The following ZNF469 variants were observed in gnomAD, a reference collection of about 807,000 sequenced individuals.
ZNF469 encodes zinc finger protein 469.
Under a neutral mutation model 1.0 loss-of-function variants are expected in ZNF469, and 1 was observed. The ratio of observed to expected loss-of-function variants is 1.00; its 90% confidence interval spans 0.35 to 4.73. ZNF469 has a LOEUF of 4.73. ZNF469 is among the 30% of genes most tolerant of loss of function. The probability of loss-of-function intolerance (pLI) is 0.16; values close to 1 mark genes in which losing one functional copy is unlikely to be tolerated. For missense variants in ZNF469, 6,100 were observed against 5,356.3 expected, an observed-to-expected ratio of 1.14 and a Z score of -4.33; for synonymous variants, 2,703 against 2,363.4, an observed-to-expected ratio of 1.14 and a Z score of -4.17.
the ZNF469 span, among the ~76,000 whole-genome samples, chr16:88,266,119 G>A: frequency 3.9e-5 from 6 of 152,352 alleles, no homozygotes; most frequent in Admixed American, 3.3e-4. Flanking sequence ...CGACAGACAC[G>A]GGGTTGGCCA....
the ZNF469 span, among the ~76,000 whole-genome samples, chr16:88,128,385 T>C: frequency 1.3e-5 from 2 of 152,186 alleles, no homozygotes; most frequent in African/African-American, 2.4e-5. Context: ...TTTTTTAAAA[T>C]ATGAAAATGA....
the ZNF469 span, chr16:88,193,516 C>G: frequency 6.6e-6 from 1 of 152,150 alleles, no homozygotes; most frequent in African/African-American, 2.4e-5. Flanking sequence ...CTGGGCACTA[C>G]ACAGGAGGAT....
the ZNF469 span, among the ~76,000 whole-genome samples, chr16:88,290,726 G>A: frequency 6.6e-6 from 1 of 152,182 alleles, no homozygotes. Context: ...GCCCAATTTT[G>A]TGGTCACCAC....
At chr16:88,183,210 C>T in the ZNF469 span, among the ~76,000 whole-genome samples, 2 of 152,178 alleles carry the variant, frequency 1.3e-5, no homozygotes, top group African/African-American at 4.8e-5. Context: ...GAGTCGCGGG[C>T]GTTGCTGGCG....
the ZNF469 span, among the ~76,000 whole-genome samples, chr16:88,296,722 G>A: frequency 1.1e-4 from 17 of 149,702 alleles, no homozygotes; most frequent in African/African-American, 3.5e-4. Context: ...TCACACATTC[G>A]CCCATGCTCC....
rs777999978 is a variant in ZNF469, at chr16:88,428,817, C to T, written c.1347C>T (p.Pro449=). Residue 449 remains proline, a synonymous_variant, in exon 3 of 3, where the codon CCC becomes CCT. Transcript: ENST00000565624. The stretch of plus-strand genomic sequence containing the variant: ...GGGACCCCACAGCAGCCCCTTACCC[C>T]ACACCTCCTGGGGGCCCCCTGGCTG... The part of the protein sequence containing the change: ...QLWDPTAAPY[P]TPPGGPLAAT... 1 of 1,547,810 alleles carries T rather than the reference C, an allele frequency of 6.5e-7. No homozygotes were observed. The highest frequency in any genetic ancestry group is 1.4e-5 in the African/African-American group (1 of 73,108).
At chr16:88,334,630 C>T in the ZNF469 span, among the ~76,000 whole-genome samples, 1 of 152,188 alleles carries the variant, frequency 6.6e-6, no homozygotes, top group Non-Finnish European at 1.5e-5. Context: ...CACCTGGAGC[C>T]GATGACTGTG....
chr16:88,243,281 A>T, the ZNF469 span, among the ~76,000 whole-genome samples: 1 of 152,046 alleles, frequency 6.6e-6, no homozygotes, highest in African/African-American at 2.4e-5. Context: ...GACAGCACTC[A>T]CTCTAAGCCT....
chr16:88,227,127 C>T, the ZNF469 span, among the ~76,000 whole-genome samples: 1 of 151,682 alleles, frequency 6.6e-6, no homozygotes, highest in Non-Finnish European at 1.5e-5. Context: ...TCCTCCACGC[C>T]GGGGCCTCCA....
At chr16:88,104,576 G>A in the ZNF469 span, among the ~76,000 whole-genome samples, 7 of 152,366 alleles carry the variant, frequency 4.6e-5, no homozygotes, top group South Asian at 4.1e-4. Flanking sequence ...CGTGGGTCAC[G>A]CAACGCGTGG....
chr16:88,289,466 A>C, the ZNF469 span, among the ~76,000 whole-genome samples: 1 of 152,164 alleles, frequency 6.6e-6, no homozygotes, highest in African/African-American at 2.4e-5. Context: ...TTAAAATAAC[A>C]CAATTACACC....
Position 88,436,845 on chromosome 16 carries a change from C to T in ZNF469, c.9375C>T (p.Arg3125=), listed in dbSNP as rs1266305104. Residue 3125 remains arginine, a synonymous_variant, in exon 3 of 3, where the codon CGC becomes CGT. Transcript: ENST00000565624. ...YKCKVCFQRF[R]SLGELDLHKL... is the part of the protein sequence containing the mutation. The stretch of plus-strand genomic sequence containing the variant: ...GCAAAGTGTGCTTCCAGCGCTTCCG[C>T]AGCCTGGGCGAGCTGGACCTGCACA... 3.9e-6 allele frequency: 6 copies of T among 1,532,492 alleles called. No individual in the cohort carries two copies. The highest frequency in any genetic ancestry group is 5.2e-6 in the Non-Finnish European group (6 of 1,143,360). The allele number at this position is 1,532,492 out of a possible 1,614,324, so 94.9% of individuals were successfully genotyped here.
chr16:88,105,967 T>TGCAGGCC, the ZNF469 span, among the ~76,000 whole-genome samples: 1 of 152,260 alleles, frequency 6.6e-6, no homozygotes, highest in South Asian at 2.1e-4. Context: ...GGTTGCAAGC[T>TGCAGGCC]GCAGGCCAAC....
chr16:88,380,033 G>A (rs1280175564), upstream of ZNF469, among the ~76,000 whole-genome samples: 1 of 151,924 alleles, frequency 6.6e-6, no homozygotes, highest in African/African-American at 2.4e-5. Context: ...TTGTGTGCAT[G>A]CATACACATG....
the ZNF469 span, among the ~76,000 whole-genome samples, chr16:88,300,833 G>C: frequency 6.6e-6 from 1 of 152,254 alleles, no homozygotes; most frequent in Non-Finnish European, 1.5e-5. Flanking sequence ...GGGAGGCCAA[G>C]GCGGTTGGAT....
chr16:88,220,609 C>T, the ZNF469 span, among the ~76,000 whole-genome samples: 65 of 152,192 alleles, frequency 4.3e-4, no homozygotes, highest in Non-Finnish European at 7.8e-4. Flanking sequence ...CCTCATGACA[C>T]TGTGAACTAA....
chr16:88,371,921 C>G, the ZNF469 span, among the ~76,000 whole-genome samples: 4 of 129,714 alleles, frequency 3.1e-5, no homozygotes, highest in South Asian at 1.0e-3. Flanking sequence ...ACCATGATTA[C>G]CACCATCACC....
At chr16:88,337,274 G>T in the ZNF469 span, among the ~76,000 whole-genome samples, 1 of 152,188 alleles carries the variant, frequency 6.6e-6, no homozygotes, top group Non-Finnish European at 1.5e-5. Flanking sequence ...TTCCCATGCT[G>T]TTCTCATGAC....
At chr16:88,116,080 C>A in the ZNF469 span, among the ~76,000 whole-genome samples, 3 of 152,184 alleles carry the variant, frequency 2.0e-5, no homozygotes, top group Admixed American at 1.3e-4. Flanking sequence ...AACACACATG[C>A]CCGACTAGAG....
Sources: allele counts gnomAD v4.1 joint callset (sites outside exome capture counted in the v4.1 genomes callset), GRCh38; gene constraint gnomAD v4.1.1; transcripts MANE v1.5; gene names NCBI Gene and HGNC (gene_info 2026-07-23, HGNC 2026-07-21).